The following KCNIP1 variants were observed in gnomAD, a reference collection of about 807,000 sequenced individuals.
KCNIP1 encodes A-type potassium channel modulatory protein KCNIP1.
In KCNIP1, 18 loss-of-function variants were observed where a neutral mutation model predicts 33.0. That is an observed-to-expected ratio of 0.55 (90% CI 0.38 to 0.81). The LOEUF is 0.81. KCNIP1 is among the 30% of genes least tolerant of loss of function. KCNIP1 has a pLI of 0.00. For missense variants in KCNIP1, 238 were observed against 271.6 expected (o/e 0.88, Z 0.87); for synonymous variants, 93 against 98.3 (o/e 0.95, Z 0.32).
chr5:170,387,002 C>T (rs761065937), intron 1 of KCNIP1, among the ~76,000 whole-genome samples: 2 of 152,090 alleles, frequency 1.3e-5, no homozygotes, highest in Non-Finnish European at 1.5e-5. Flanking sequence ...CAATCTATGC[C>T]GCCTGGAGCC....
chr5:170,616,105 G>A (rs1224103376), intron 1 of KCNIP1, among the ~76,000 whole-genome samples: 2 of 152,098 alleles, frequency 1.3e-5, no homozygotes, highest in African/African-American at 4.8e-5. Context: ...TCAAATCCTG[G>A]CTTTTCCAAT....
intron 1 of KCNIP1, among the ~76,000 whole-genome samples, chr5:170,510,762 G>A (rs1754903643): frequency 6.6e-6 from 1 of 152,172 alleles, no homozygotes; most frequent in African/African-American, 2.4e-5. Context: ...TGCGGTGGGG[G>A]GAAGTAGGAA....
At chr5:170,511,792 C>A (rs929657953) in intron 1 of KCNIP1, among the ~76,000 whole-genome samples, 6 of 152,206 alleles carry the variant, frequency 3.9e-5, no homozygotes, top group Non-Finnish European at 8.8e-5. Flanking sequence ...AATCGCAGAG[C>A]CTGGTTCTGG....
chr5:170,603,427 A>T (rs1403779272), intron 1 of KCNIP1, among the ~76,000 whole-genome samples: 1 of 152,166 alleles, frequency 6.6e-6, no homozygotes, highest in African/African-American at 2.4e-5. Flanking sequence ...TACTGGTTCC[A>T]TGTTGAGCTC....
intron 1 of KCNIP1, among the ~76,000 whole-genome samples, chr5:170,447,811 A>G (rs576940975): frequency 6.6e-6 from 1 of 151,938 alleles, no homozygotes; most frequent in East Asian, 1.9e-4. Flanking sequence ...CTTACAAATG[A>G]GACCTTGACT....
At chr5:170,500,812 T>C (rs1469218095), upstream of KCNIP1, among the ~76,000 whole-genome samples, 1 of 152,236 alleles carries the variant, frequency 6.6e-6, no homozygotes, top group East Asian at 1.9e-4. Context: ...CTATTGTGCA[T>C]GTAAATATCT....
intron 1 of KCNIP1, among the ~76,000 whole-genome samples, chr5:170,461,960 A>G (rs184373358): frequency 1.3e-5 from 2 of 152,310 alleles, no homozygotes; most frequent in East Asian, 3.9e-4. Context: ...TACAAAAATC[A>G]ACTCAAGATG....
chr5:170,439,247 T>C (rs1345246916), intron 1 of KCNIP1, among the ~76,000 whole-genome samples: 1 of 152,168 alleles, frequency 6.6e-6, no homozygotes, highest in Non-Finnish European at 1.5e-5. Flanking sequence ...AGCCTTCAGC[T>C]TTCACCTCCC....
chr5:170,452,929 T>C (rs1756290017), intron 1 of KCNIP1, among the ~76,000 whole-genome samples: 2 of 152,224 alleles, frequency 1.3e-5, no homozygotes, highest in South Asian at 4.1e-4. Flanking sequence ...ACTATGATTA[T>C]ATTTTAGAAA....
chr5:170,495,141 T>A (rs926814425), intron 1 of KCNIP1, among the ~76,000 whole-genome samples: 3 of 152,214 alleles, frequency 2.0e-5, no homozygotes, highest in Non-Finnish European at 4.4e-5. Flanking sequence ...TCCCCAGTGT[T>A]GCCTGAATGT....
At chr5:170,414,683 A>G (rs988775287) in intron 1 of KCNIP1, among the ~76,000 whole-genome samples, 2 of 152,272 alleles carry the variant, frequency 1.3e-5, no homozygotes, top group Admixed American at 1.3e-4. Flanking sequence ...TATTAATGCT[A>G]GATGTTGACT....
At chr5:170,399,298 T>G (rs188518382) in intron 1 of KCNIP1, among the ~76,000 whole-genome samples, 1 of 152,200 alleles carries the variant, frequency 6.6e-6, no homozygotes, top group Non-Finnish European at 1.5e-5. Flanking sequence ...GGTGGTCAGC[T>G]TAGAATTTGG....
chr5:170,642,586 G>A (rs184315032), intron 1 of KCNIP1, among the ~76,000 whole-genome samples: 2 of 152,292 alleles, frequency 1.3e-5, no homozygotes, highest in Admixed American at 6.5e-5. Flanking sequence ...GCAGGCCAGC[G>A]CTCCCATGCC....
At chr5:170,374,697 C>T (rs1763939273) in intron 1 of KCNIP1, 1 of 152,274 alleles carries the variant, frequency 6.6e-6, no homozygotes, top group South Asian at 2.1e-4. Flanking sequence ...TTATTAAGAA[C>T]TGATGAAGGT....
At chr5:170,455,143 T>G (rs1756343848) in intron 1 of KCNIP1, among the ~76,000 whole-genome samples, 1 of 152,192 alleles carries the variant, frequency 6.6e-6, no homozygotes, top group Non-Finnish European at 1.5e-5. Context: ...TACCTCACTT[T>G]CAATAATGGA....
chr5:170,500,781 G>T (rs1757395062), upstream of KCNIP1, among the ~76,000 whole-genome samples: 1 of 152,198 alleles, frequency 6.6e-6, no homozygotes, highest in Admixed American at 6.5e-5. Context: ...ATGTCACAAG[G>T]CGTCCGCAGG....
intron 1 of KCNIP1, among the ~76,000 whole-genome samples, chr5:170,412,220 C>T (rs1755212348): frequency 9.3e-6 from 1 of 107,136 alleles, no homozygotes; most frequent in Admixed American, 1.0e-4. Flanking sequence ...GTCAGATGAC[C>T]TTCCTTGGCT....
rs151284399 is a variant in KCNIP1 at position 170,415,719 on chromosome 5, G to A, written c.88+61755G>A. The stretch of plus-strand genomic sequence containing the variant: ...TTTGCTGTCTGCCCCTCTCCCCTGG[G>A]CTATGAGCGCCACAGGAGTTTTTTC... On this transcript the variant is annotated intron_variant, in intron 1 of 7. Coordinates refer to the KCNIP1 transcript ENST00000377360. Among the ~76,000 whole-genome samples, 126 of 152,246 alleles carry A rather than the reference G, an allele frequency of 8.3e-4. 2 individuals carry two copies. The highest frequency in any genetic ancestry group is 2.8e-3 in the African/African-American group (115 of 41,548).
chr5:170,449,936 G>A (rs1214769919), intron 1 of KCNIP1, among the ~76,000 whole-genome samples: 3 of 151,898 alleles, frequency 2.0e-5, no homozygotes, highest in African/African-American at 7.3e-5. Context: ...GGAAGGCCGG[G>A]AGGTTTTGCA....
Sources: gnomAD v4.1 joint callset for allele counts (sites outside exome capture counted in the v4.1 genomes callset) on GRCh38, gnomAD v4.1.1 for gene constraint, MANE v1.5 for transcripts, NCBI Gene and HGNC (gene_info 2026-07-23, HGNC 2026-07-21) for gene names.